Variants in RAD51B observed in about 807,000 individuals in gnomAD.
RAD51B encodes the protein RAD51 paralog B, also known as DNA repair protein RAD51 homolog 2.
Under a neutral mutation model 42.2 loss-of-function variants are expected in RAD51B, and 38 were observed. That is an observed-to-expected ratio of 0.90 (90% CI 0.70 to 1.18). The LOEUF (loss-of-function observed/expected upper bound fraction) is 1.18, where lower values mean the gene tolerates loss of function less well. Ranked by LOEUF, RAD51B falls within the 50% of genes most tolerant of loss-of-function variation. The pLI is 0.00. For missense variants in RAD51B, 373 were observed against 400.7 expected (o/e 0.93, Z 0.59); for synonymous variants, 154 against 145.2 (o/e 1.06, Z -0.43).
intron 7 of RAD51B, among the ~76,000 whole-genome samples, chr14:68,083,471 G>A (rs574400186): frequency 2.0e-5 from 3 of 152,138 alleles, no homozygotes; most frequent in African/African-American, 7.2e-5. Flanking sequence ...TTTGATACTC[G>A]ATCACTGGAG....
intron 7 of RAD51B, among the ~76,000 whole-genome samples, chr14:68,085,590 A>G (rs944723540): frequency 6.6e-6 from 1 of 152,194 alleles, no homozygotes; most frequent in Admixed American, 6.5e-5. Context: ...AAGCCATTGG[A>G]TTTTGTAACT....
intron 7 of RAD51B, among the ~76,000 whole-genome samples, chr14:67,931,473 T>C: frequency 6.6e-6 from 1 of 151,612 alleles, no homozygotes; most frequent in East Asian, 1.9e-4. Context: ...TTTAGTATCA[T>C]AATTTTGAAT....
At chr14:68,189,072 T>C (rs759380547) in intron 7 of RAD51B, among the ~76,000 whole-genome samples, 11 of 152,086 alleles carry the variant, frequency 7.2e-5, no homozygotes, top group Non-Finnish European at 1.5e-4. Context: ...TAATCTTTCT[T>C]TTAATTTTTT....
intron 7 of RAD51B, among the ~76,000 whole-genome samples, chr14:68,075,586 C>T (rs1016098214): frequency 1.3e-5 from 2 of 151,188 alleles, no homozygotes; most frequent in South Asian, 2.1e-4. Flanking sequence ...TGTCTTTGTT[C>T]CTTCCTCAGT....
chr14:68,365,290 A>C (rs969174791), intron 8 of RAD51B, among the ~76,000 whole-genome samples: 3 of 152,254 alleles, frequency 2.0e-5, no homozygotes, highest in Non-Finnish European at 2.9e-5. Flanking sequence ...CGGTGAGGAA[A>C]GATGTGAAGT....
chr14:67,933,065 G>C (rs1005929009), intron 7 of RAD51B, among the ~76,000 whole-genome samples: 3 of 152,204 alleles, frequency 2.0e-5, no homozygotes, highest in Admixed American at 2.0e-4. Context: ...TACCCATCTG[G>C]GTTCCTAGTG....
At chr14:68,433,531 G>T (rs2085067564) in intron 9 of RAD51B, among the ~76,000 whole-genome samples, 1 of 152,064 alleles carries the variant, frequency 6.6e-6, no homozygotes, top group Non-Finnish European at 1.5e-5. Context: ...TCTTCCAGTT[G>T]ATCGACTCGG....
intron 7 of RAD51B, among the ~76,000 whole-genome samples, chr14:67,900,329 A>T: frequency 6.6e-6 from 1 of 152,168 alleles, no homozygotes; most frequent in East Asian, 1.9e-4. Flanking sequence ...TGTAATAAGG[A>T]TGCTGTCTTA....
chr14:68,441,597 A>T (rs1354870156), intron 9 of RAD51B, among the ~76,000 whole-genome samples: 7 of 151,990 alleles, frequency 4.6e-5, no homozygotes, highest in Non-Finnish European at 8.8e-5. Context: ...TATAACATAC[A>T]TACATAAACT....
intron 7 of RAD51B, among the ~76,000 whole-genome samples, chr14:68,082,207 G>A (rs554659754): frequency 3.3e-5 from 5 of 152,060 alleles, no homozygotes; most frequent in Non-Finnish European, 5.9e-5. Context: ...TGATCTGCCT[G>A]CCTCGGCCTC....
Position 68,269,526 on chromosome 14 carries a change from A to T in RAD51B, c.757-22358A>T, listed in dbSNP as rs367821939. Reference sequence around the variant, plus strand: ...GGATCGTCACTCAGATCTCAGCCTGAATGTCCTGTCTCAGACAGGACTCCC... The same window carrying T: ...GGATCGTCACTCAGATCTCAGCCTGTATGTCCTGTCTCAGACAGGACTCCC... On this transcript the variant is annotated intron_variant, in intron 7 of 10. Transcript: ENST00000471583. Among the ~76,000 whole-genome samples, 8 of 152,352 alleles carry T rather than the reference A, an allele frequency of 5.3e-5. 1 individual carries two copies. The highest frequency in any genetic ancestry group is 1.9e-4 in the African/African-American group (8 of 41,582).
chr14:68,467,874 A>C (rs928092930), intron 9 of RAD51B, among the ~76,000 whole-genome samples: 8 of 152,366 alleles, frequency 5.3e-5, no homozygotes, highest in African/African-American at 1.9e-4. Context: ...TTGGGCAGAA[A>C]GGTAGCTATT....
At chr14:67,921,098 T>C (rs1379368429) in intron 7 of RAD51B, among the ~76,000 whole-genome samples, 1 of 152,208 alleles carries the variant, frequency 6.6e-6, no homozygotes, top group Non-Finnish European at 1.5e-5. Context: ...TGTGATCATA[T>C]GAATCACTGA....
At chr14:68,563,919 T>C in intron 10 of RAD51B, 2 of 984,928 alleles carry the variant, frequency 2.0e-6, no homozygotes, top group South Asian at 4.7e-5. Flanking sequence ...TTCTCGGCAA[T>C]TAAAAATAAT....
At chr14:68,202,949 T>C (rs1465024577) in intron 7 of RAD51B, among the ~76,000 whole-genome samples, 1 of 152,196 alleles carries the variant, frequency 6.6e-6, no homozygotes, top group Non-Finnish European at 1.5e-5. Context: ...CAGGCTCTAC[T>C]TCTAATTCTA....
chr14:68,123,584 G>C (rs1028944279), intron 7 of RAD51B, among the ~76,000 whole-genome samples: 8 of 152,092 alleles, frequency 5.3e-5, no homozygotes, highest in Non-Finnish European at 1.2e-4. Flanking sequence ...GAGATGGGTG[G>C]ATCACTTGAG....
chr14:68,156,497 G>A (rs1158899860), intron 7 of RAD51B, among the ~76,000 whole-genome samples: 1 of 29,430 alleles, frequency 3.4e-5, no homozygotes, highest in African/African-American at 1.1e-4. Context: ...CTCTCTCTCT[G>A]CCTTTATGAA....
chr14:68,011,718 A>T (rs987170054), intron 7 of RAD51B, among the ~76,000 whole-genome samples: 3 of 152,058 alleles, frequency 2.0e-5, no homozygotes, highest in African/African-American at 7.2e-5. Context: ...CTGATTAAGA[A>T]GTTTATTTAT....
chr14:68,061,242 T>C (rs2076564151), intron 7 of RAD51B, among the ~76,000 whole-genome samples: 1 of 151,890 alleles, frequency 6.6e-6, no homozygotes, highest in South Asian at 2.1e-4. Flanking sequence ...TAATTTTTTG[T>C]ATTTTTAGTA....
Sources: allele counts gnomAD v4.1 joint callset (sites outside exome capture counted in the v4.1 genomes callset), GRCh38; gene constraint gnomAD v4.1.1; transcripts MANE v1.5; gene names NCBI Gene and HGNC (gene_info 2026-07-23, HGNC 2026-07-21).